ARIH2: variants seen among roughly 807,000 people sequenced by gnomAD.
The protein encoded by ARIH2 is ariadne RBR E3 ubiquitin protein ligase 2.
ARIH2 carries 12 observed loss-of-function variants against 79.8 expected under a neutral mutation model. That is an observed-to-expected ratio of 0.15 (90% confidence interval 0.10 to 0.24). The LOEUF (loss-of-function observed/expected upper bound fraction) is 0.24. Ranked by LOEUF, ARIH2 falls within the 10% of genes least tolerant of loss-of-function variation. The pLI is 1.00. For missense variants in ARIH2, 301 were observed against 618.3 expected, an observed-to-expected ratio of 0.49 and a Z score of 5.44; for synonymous variants, 224 against 213.9, an observed-to-expected ratio of 1.05 and a Z score of -0.41.
At chr3:48,974,058 G>C (rs543241856) in intron 9 of ARIH2, among the ~76,000 whole-genome samples, 10 of 152,290 alleles carry the variant, frequency 6.6e-5, no homozygotes, top group African/African-American at 2.4e-4. Context: ...GGACCCAAAG[G>C]GGGAGCTAAT....
chr3:48,934,909 C>T (rs2086901309), intron 3 of ARIH2: 1 of 985,138 alleles, frequency 1.0e-6, no homozygotes, highest in Non-Finnish European at 1.2e-6. Flanking sequence ...TTTCTGTCTA[C>T]CTCAGGAAAC....
intron 9 of ARIH2, chr3:48,974,529 G>A (rs1200533063): frequency 2.2e-5 from 11 of 489,730 alleles, no homozygotes; most frequent in Non-Finnish European, 2.6e-5. Flanking sequence ...CAGGCTTTCT[G>A]CTGATTCAAC....
At chr3:48,921,365 T>C (rs1017446850) in intron 1 of ARIH2, 3 of 146,496 alleles carry the variant, frequency 2.0e-5, no homozygotes, top group Non-Finnish European at 4.5e-5. Flanking sequence ...CTCTCTTTTT[T>C]TTTTGGAGGA....
At chr3:48,936,303 A>G (rs2087111784) in intron 3 of ARIH2, among the ~76,000 whole-genome samples, 1 of 152,216 alleles carries the variant, frequency 6.6e-6, no homozygotes, top group African/African-American at 2.4e-5. Context: ...AAAAAGGTGC[A>G]GAATGAGGAG....
chr3:48,932,854 G>A (rs1293469131), intron 3 of ARIH2, among the ~76,000 whole-genome samples: 1 of 152,126 alleles, frequency 6.6e-6, no homozygotes, highest in African/African-American at 2.4e-5. Context: ...CCTGAGCTTT[G>A]TGTTGAGGCC....
At chr3:48,962,171 G>A (rs1169964550) in intron 4 of ARIH2, among the ~76,000 whole-genome samples, 1 of 152,086 alleles carries the variant, frequency 6.6e-6, no homozygotes, top group African/African-American at 2.4e-5. Flanking sequence ...GAGGTCAGGA[G>A]TTTGAAATCA....
intron 5 of ARIH2, among the ~76,000 whole-genome samples, chr3:48,965,715 C>A (rs1213926492): frequency 6.6e-6 from 1 of 152,212 alleles, no homozygotes; most frequent in Non-Finnish European, 1.5e-5. Context: ...AATCCCAGCA[C>A]TTTGGGGGGC....
At chr3:48,926,230 T>G (rs543393868) in intron 2 of ARIH2, among the ~76,000 whole-genome samples, 1 of 151,932 alleles carries the variant, frequency 6.6e-6, no homozygotes, top group East Asian at 1.9e-4. Context: ...TTTTTTGAGA[T>G]GGAGTTTCCC....
At chr3:48,982,521 G>T (rs1194265014) in intron 14 of ARIH2, among the ~76,000 whole-genome samples, 1 of 152,148 alleles carries the variant, frequency 6.6e-6, no homozygotes, top group African/African-American at 2.4e-5. Flanking sequence ...TAAGGCTCTT[G>T]ATTTGCTGGA....
intron 1 of ARIH2, chr3:48,921,367 T>G (rs2084785315): frequency 6.8e-6 from 1 of 146,684 alleles, no homozygotes; most frequent in Non-Finnish European, 1.5e-5. Flanking sequence ...CTCTTTTTTT[T>G]TTGGAGGAGC....
At chr3:48,959,389 T>TA (rs945617274) in intron 3 of ARIH2, among the ~76,000 whole-genome samples, 33 of 151,716 alleles carry the variant, frequency 2.2e-4, no homozygotes, top group African/African-American at 7.7e-4. Flanking sequence ...CAGCAGTTGT[T>TA]AAAGTTTAAA....
chr3:48,937,562 C>T (rs1363685904), intron 3 of ARIH2, among the ~76,000 whole-genome samples: 1 of 152,136 alleles, frequency 6.6e-6, no homozygotes, highest in Admixed American at 6.6e-5. Flanking sequence ...TACCTAACAG[C>T]ACCTGGCAGA....
At chr3:48,962,406 A>G (rs1444057806) in intron 4 of ARIH2, among the ~76,000 whole-genome samples, 1 of 151,742 alleles carries the variant, frequency 6.6e-6, no homozygotes, top group Non-Finnish European at 1.5e-5. Flanking sequence ...AATATAGGCT[A>G]CTTTACCACC....
At chr3:48,967,050 C>A in intron 5 of ARIH2, 75 bp from the exon 6 acceptor site, 1 of 1,496,506 alleles carries the variant, frequency 6.7e-7, no homozygotes, top group Non-Finnish European at 9.1e-7. Context: ...TTCCATGCAC[C>A]CGGCTGCATG....
rs1277320331 is a variant in ARIH2 at position 48,984,738 on chromosome 3, A to G, written c.*1468A>G. On this transcript the variant is annotated 3_prime_UTR_variant, in exon 16 of 16. Transcript: ENST00000356401. ...AGAGCTGATACAGAGATCTGTGAAT[A>G]TTGTGATAGAAATTCTTTGGTATTC... 1 of 152,192 alleles carries G rather than the reference A, an allele frequency of 6.6e-6. No individual in the cohort carries two copies. Among genetic ancestry groups the G allele is most frequent in the Non-Finnish European group, 1.5e-5 (1 of 68,034 alleles). 9.4% of individuals were successfully genotyped at this position (152,192 alleles called of 1,614,324 possible).
intron 2 of ARIH2, among the ~76,000 whole-genome samples, chr3:48,926,451 G>A (rs1403807819): frequency 6.6e-6 from 1 of 151,824 alleles, no homozygotes; most frequent in African/African-American, 2.4e-5. Flanking sequence ...TGTATTTTTA[G>A]TAGAGACAGG....
chr3:48,940,497 C>T (rs536381432), intron 3 of ARIH2, among the ~76,000 whole-genome samples: 2 of 151,150 alleles, frequency 1.3e-5, no homozygotes, highest in Non-Finnish European at 3.0e-5. Flanking sequence ...GTCAGTGTTG[C>T]GAGAAGTCAG....
At position 48,968,634 on chromosome 3, in the gene ARIH2, C is replaced by T; in HGVS notation, c.639C>T (p.Tyr213=). 1 of 1,610,502 alleles carries T rather than the reference C, an allele frequency of 6.2e-7. No homozygotes were observed. Among genetic ancestry groups the T allele is most frequent in the Non-Finnish European group, 8.5e-7 (1 of 1,177,470 alleles). Residue 213 remains tyrosine, a synonymous_variant, in exon 7 of 16, where the codon TAC becomes TAT. Coordinates refer to ENST00000356401, the MANE Select transcript of ARIH2 (RefSeq NM_006321.4). ...NEELREKYRR[Y]LFRDYVESHY... Reference sequence around the variant, plus strand: ...AATTGAGAGAGAAATACAGGCGCTACCTCTTCAGGGACTATGTGGAGGTAT... The same window carrying T: ...AATTGAGAGAGAAATACAGGCGCTATCTCTTCAGGGACTATGTGGAGGTAT...
rs759733618 is a variant in ARIH2 at position 48,964,992 on chromosome 3, T to G, written c.387+10T>G. On this transcript the variant is annotated intron_variant, in intron 5 of 15. Coordinates refer to ENST00000356401, the MANE Select transcript of ARIH2 (RefSeq NM_006321.4). Reference sequence around the variant, plus strand: ...TAATCCATCAAAACATGTGAGTGTCTATTACTTGAATGAGGCTTCTCCTAA... The same window carrying G: ...TAATCCATCAAAACATGTGAGTGTCGATTACTTGAATGAGGCTTCTCCTAA... 1.2e-6 allele frequency: 2 copies of G among 1,611,516 alleles called. No individual in the cohort carries two copies. The highest frequency in any genetic ancestry group is 8.5e-7 in the Non-Finnish European group (1 of 1,178,028).
Sources: gnomAD v4.1 joint callset for allele counts (sites outside exome capture counted in the v4.1 genomes callset) on GRCh38, gnomAD v4.1.1 for gene constraint, MANE v1.5 for transcripts, NCBI Gene and HGNC (gene_info 2026-07-23, HGNC 2026-07-21) for gene names.